FRMD4A: variants seen among roughly 807,000 people sequenced by gnomAD.
FRMD4A encodes the protein FERM domain containing 4A, also known as FERM domain-containing protein 4A.
Under a neutral mutation model 129.1 loss-of-function variants are expected in FRMD4A, and 29 were observed. The ratio of observed to expected loss-of-function variants is 0.22; its 90% confidence interval spans 0.17 to 0.31. The LOEUF (loss-of-function observed/expected upper bound fraction) is 0.31, where lower values mean the gene tolerates loss of function less well. Among genes scored for constraint, FRMD4A ranks in the 10% least tolerant of loss-of-function variants. FRMD4A has a pLI of 1.00. For missense variants in FRMD4A, 1,272 were observed against 1,375.8 expected, an observed-to-expected ratio of 0.92 and a Z score of 1.19; for synonymous variants, 634 against 571.6, an observed-to-expected ratio of 1.11 and a Z score of -1.56.
intron 23 of FRMD4A, chr10:13,652,751 A>C (rs2081755856): frequency 6.6e-6 from 1 of 152,260 alleles, no homozygotes; most frequent in Admixed American, 6.5e-5. Flanking sequence ...AGTGGTTGTC[A>C]AAACTTGAGT....
intron 2 of FRMD4A, among the ~76,000 whole-genome samples, chr10:14,111,696 A>C (rs558221506): frequency 2.0e-5 from 3 of 152,254 alleles, no homozygotes; most frequent in African/African-American, 7.2e-5. Context: ...TGTACCAAAA[A>C]GAATAAGCCA....
chr10:13,953,728 T>C (rs771328499), intron 2 of FRMD4A, among the ~76,000 whole-genome samples: 22 of 152,206 alleles, frequency 1.4e-4, no homozygotes, highest in African/African-American at 5.1e-4. Flanking sequence ...TTATTAGTTA[T>C]AGTGGTTAAT....
chr10:14,185,819 G>A (rs184421167), intron 2 of FRMD4A, among the ~76,000 whole-genome samples: 4 of 152,194 alleles, frequency 2.6e-5, no homozygotes, highest in Admixed American at 2.0e-4. Flanking sequence ...AGGGTAGACA[G>A]GGCAGGGCCC....
intron 4 of FRMD4A, among the ~76,000 whole-genome samples, chr10:13,800,813 C>T (rs979864517): frequency 5.9e-5 from 9 of 152,232 alleles, no homozygotes; most frequent in African/African-American, 2.2e-4. Context: ...CAGATGGATT[C>T]CCCCTCTAGA....
At chr10:13,908,168 A>AG (rs1482021607) in intron 2 of FRMD4A, among the ~76,000 whole-genome samples, 1 of 145,932 alleles carries the variant, frequency 6.9e-6, no homozygotes, top group Non-Finnish European at 1.5e-5. Context: ...TCCATCTAAA[A>AG]AAAAAAAAAA....
chr10:14,217,163 T>G (rs1016027725), intron 2 of FRMD4A, among the ~76,000 whole-genome samples: 3 of 152,234 alleles, frequency 2.0e-5, no homozygotes, highest in African/African-American at 7.2e-5. Flanking sequence ...ATATGCACCT[T>G]GACCCAGAGA....
intron 3 of FRMD4A, among the ~76,000 whole-genome samples, chr10:13,840,617 C>T (rs1161427955): frequency 3.3e-5 from 5 of 149,630 alleles, no homozygotes; most frequent in Admixed American, 6.7e-5. Context: ...GGTGAAACCC[C>T]GTCTCTACTA....
At chr10:14,130,860 G>T (rs74601551) in intron 2 of FRMD4A, among the ~76,000 whole-genome samples, 1,530 of 152,284 alleles carry the variant, frequency 0.01, 19 homozygotes, top group Admixed American at 0.015. Flanking sequence ...GGCCCAAGCT[G>T]TTTGGCTTGG....
intron 2 of FRMD4A, chr10:14,083,647 GTC>G (rs1385933164): frequency 6.6e-6 from 1 of 152,228 alleles, no homozygotes; most frequent in Non-Finnish European, 1.5e-5. Context: ...CTTGGACAGT[GTC>G]TCTAGTTGTC....
intron 15 of FRMD4A, among the ~76,000 whole-genome samples, chr10:13,679,474 T>TACACACACACACACAC (rs59818032): frequency 0.012 from 392 of 31,432 alleles, 16 homozygotes; most frequent in East Asian, 0.1. Flanking sequence ...TATATATATA[T>TACACACACACACACAC]ACACACACAC....
At chr10:14,227,020 C>T (rs1008162549) in intron 2 of FRMD4A, among the ~76,000 whole-genome samples, 1 of 152,136 alleles carries the variant, frequency 6.6e-6, no homozygotes. Flanking sequence ...CTGCCACGAT[C>T]TAGTGCCCAC....
At chr10:14,263,545 C>T (rs17154969) in intron 2 of FRMD4A, among the ~76,000 whole-genome samples, 1,678 of 152,280 alleles carry the variant, frequency 0.011, 37 homozygotes, top group African/African-American at 0.038. Context: ...CCCTTGCCCA[C>T]GATCAGCTCT....
chr10:13,670,690 CTAAG>C (rs970051860), intron 16 of FRMD4A, among the ~76,000 whole-genome samples, 162 bp from the exon 17 acceptor site: 6 of 152,120 alleles, frequency 3.9e-5, no homozygotes, highest in Admixed American at 1.3e-4. Flanking sequence ...AGCACTATGC[CTAAG>C]TAAGAGGTCA....
intron 2 of FRMD4A, among the ~76,000 whole-genome samples, chr10:14,263,472 C>G (rs1378343702): frequency 6.6e-6 from 1 of 152,206 alleles, no homozygotes; most frequent in East Asian, 1.9e-4. Flanking sequence ...TCCACGTGCT[C>G]TGAGACCTCA....
At chr10:13,650,669 C>G (rs796082354) in intron 24 of FRMD4A, among the ~76,000 whole-genome samples, 5 of 152,258 alleles carry the variant, frequency 3.3e-5, no homozygotes, top group African/African-American at 1.2e-4. Flanking sequence ...AGCCTAAGTC[C>G]CTGTCCTAAT....
rs749710776 is a variant in FRMD4A, at chr10:13,659,448, G to T, written c.1941C>A (p.Ala647=). 1.5e-5 allele frequency: 25 copies of T among 1,613,674 alleles called. No homozygotes were observed. Among genetic ancestry groups the T allele is most frequent in the Middle Eastern group, 1.7e-4 (1 of 5,902 alleles). The stretch of plus-strand genomic sequence containing the variant: ...TCTGCAAGGAGTTGCTTCCTCCGCC[G>T]GCTTCCGCACAGCTTCCTGTGCTGG... ...RFPSTGSCAE[A]GGGSNSLQNS... The change falls in exon 21 of 25, where the codon GCC becomes GCA. Residue 647 remains alanine, a synonymous_variant. Transcript: ENST00000357447.
chr10:14,184,412 C>G (rs1032462032), intron 2 of FRMD4A, among the ~76,000 whole-genome samples: 7 of 151,190 alleles, frequency 4.6e-5, no homozygotes, highest in Non-Finnish European at 1.5e-5. Flanking sequence ...GCAACTGAAC[C>G]CATTTTCTAT....
chr10:14,102,547 G>A (rs78434808), intron 2 of FRMD4A, among the ~76,000 whole-genome samples: 110 of 152,250 alleles, frequency 7.2e-4, no homozygotes, highest in African/African-American at 2.4e-3. Context: ...ACAGAGGGCC[G>A]AGAACCAAGC....
chr10:14,122,352 T>A (rs533572935), intron 2 of FRMD4A, among the ~76,000 whole-genome samples: 1 of 152,354 alleles, frequency 6.6e-6, no homozygotes, highest in East Asian at 1.9e-4. Flanking sequence ...AAAACGTTTT[T>A]AATTGACAAA....
Sources: gnomAD v4.1 joint callset for allele counts (sites outside exome capture counted in the v4.1 genomes callset) on GRCh38, gnomAD v4.1.1 for gene constraint, MANE v1.5 for transcripts, NCBI Gene and HGNC (gene_info 2026-07-23, HGNC 2026-07-21) for gene names.